SCAF11: variants seen among roughly 807,000 people sequenced by gnomAD.
SCAF11 encodes the protein SR-related CTD associated factor 11, also known as protein SCAF11.
A neutral mutation model predicts 140.5 loss-of-function variants in SCAF11; 47 were observed. The ratio of observed to expected loss-of-function variants is 0.33; its 90% CI spans 0.26 to 0.43. The LOEUF (loss-of-function observed/expected upper bound fraction) is 0.43. Among genes scored for constraint, SCAF11 ranks in the 20% least tolerant of loss-of-function variants. The probability of loss-of-function intolerance (pLI) is 1.00; values close to 1 mark genes in which losing one functional copy is unlikely to be tolerated. For missense variants in SCAF11, 1,645 were observed against 1,705.1 expected (o/e 0.96, Z 0.62); for synonymous variants, 557 against 579.4 (o/e 0.96, Z 0.55).
intron 1 of SCAF11, among the ~76,000 whole-genome samples, chr12:45,986,376 C>T (rs896730138): frequency 1.3e-5 from 2 of 152,130 alleles, no homozygotes; most frequent in East Asian, 3.8e-4. Context: ...AATCTATTAA[C>T]TAAGGCCTGC....
In SCAF11 at chr12:45,936,005, A is replaced by G. The variant is rs1235817789; in HGVS notation, c.464-1500T>C. ...CTTTAAGATGTCAAACAGTACTTCC[A>G]AACTTATAAAGAAAAATTATGGAAA... On this transcript the variant is annotated intron_variant, in intron 6 of 14. Transcript: ENST00000369367. Among the ~76,000 whole-genome samples the G allele has an allele frequency of 6.6e-4, 101 of 152,314 alleles. 2 individuals carry two copies. Among genetic ancestry groups the G allele is most frequent in the Admixed American group, 6.6e-3 (101 of 15,296 alleles).
intron 1 of SCAF11, among the ~76,000 whole-genome samples, chr12:45,989,841 G>C: frequency 6.6e-6 from 1 of 152,208 alleles, no homozygotes. Flanking sequence ...GGTTTCACTA[G>C]CGGGCTTGGA....
At chr12:45,944,924 T>A (rs545139594) in intron 6 of SCAF11, among the ~76,000 whole-genome samples, 1 of 152,238 alleles carries the variant, frequency 6.6e-6, no homozygotes, top group African/African-American at 2.4e-5. Context: ...AGGTATTTAA[T>A]CTCATCTCCC....
At chr12:45,966,231 T>G (rs1375213887) in intron 1 of SCAF11, among the ~76,000 whole-genome samples, 1 of 152,148 alleles carries the variant, frequency 6.6e-6, no homozygotes, top group Non-Finnish European at 1.5e-5. Flanking sequence ...AACAGAAAGC[T>G]TAAGAACATT....
chr12:45,972,881 GATATATATATAGATATATATATATAT>G (rs1404077712), intron 1 of SCAF11, among the ~76,000 whole-genome samples: 1 of 18,944 alleles, frequency 5.3e-5, no homozygotes, highest in Non-Finnish European at 1.1e-4. Flanking sequence ...TATATATATA[GATATATATATAGATATATATATATAT>G]AGATATATAT....
At chr12:45,947,146 T>A (rs1331958897) in intron 5 of SCAF11, among the ~76,000 whole-genome samples, 1 of 152,220 alleles carries the variant, frequency 6.6e-6, no homozygotes, top group African/African-American at 2.4e-5. Flanking sequence ...GAATCATAGA[T>A]TTAATTATGA....
chr12:45,971,118 T>C (rs562771900), intron 1 of SCAF11, among the ~76,000 whole-genome samples: 1 of 152,336 alleles, frequency 6.6e-6, no homozygotes, highest in South Asian at 2.1e-4. Context: ...AGAAAGTTCA[T>C]CAAGTGTTCT....
At chr12:45,985,391 C>A (rs1946439962) in intron 1 of SCAF11, among the ~76,000 whole-genome samples, 1 of 152,274 alleles carries the variant, frequency 6.6e-6, no homozygotes, top group African/African-American at 2.4e-5. Flanking sequence ...TCCTGGGATG[C>A]ACCCCTTACC....
At chr12:45,977,033 C>T (rs2136654138) in intron 1 of SCAF11, among the ~76,000 whole-genome samples, 1 of 152,106 alleles carries the variant, frequency 6.6e-6, no homozygotes, top group East Asian at 1.9e-4. Flanking sequence ...AACCTCGAGG[C>T]CCACATAATT....
intron 11 of SCAF11, among the ~76,000 whole-genome samples, chr12:45,925,515 C>T (rs1944837395): frequency 6.6e-6 from 1 of 152,126 alleles, no homozygotes; most frequent in South Asian, 2.1e-4. Flanking sequence ...TGCCATTGCA[C>T]TCCAGCCTGG....
In SCAF11 at chr12:45,927,381, A is replaced by G. The variant is rs1944906046; in HGVS notation, c.2320T>C (p.Ser774Pro). 6.2e-7 allele frequency: 1 copy of G among 1,614,118 alleles called. No individual in the cohort carries two copies. The highest frequency in any genetic ancestry group is 8.5e-7 in the Non-Finnish European group (1 of 1,180,012). Reference sequence around the variant, plus strand: ...TCTATGGTATCTTTTGGGCTTTCAGATGGTTGAGAAACAGTTTCAACCTTT... The same window carrying G: ...TCTATGGTATCTTTTGGGCTTTCAGGTGGTTGAGAAACAGTTTCAACCTTT... ...DEKVETVSQP[S>P]ESPKDTIDKT... The change falls in exon 11 of 15, where the codon TCT (serine) becomes CCT (proline). Residue 774 changes from serine to proline, a missense_variant. Coordinates refer to ENST00000369367, the MANE Select transcript of SCAF11 (RefSeq NM_004719.3).
upstream of SCAF11, among the ~76,000 whole-genome samples, chr12:45,991,389 A>C (rs1565700935): frequency 6.6e-6 from 1 of 152,086 alleles, no homozygotes; most frequent in Non-Finnish European, 1.5e-5. Flanking sequence ...ACGTATTAAG[A>C]TCTCGTTTCT....
At chr12:45,947,394 A>G (rs1037473699) in intron 5 of SCAF11, among the ~76,000 whole-genome samples, 1 of 152,220 alleles carries the variant, frequency 6.6e-6, no homozygotes, top group Admixed American at 6.5e-5. Flanking sequence ...CAGCAACTAA[A>G]AAAAAGAAAC....
chr12:45,959,237 G>C (rs1404901044), intron 3 of SCAF11, among the ~76,000 whole-genome samples: 2 of 151,414 alleles, frequency 1.3e-5, no homozygotes, highest in Non-Finnish European at 2.9e-5. Context: ...CACTGCACTA[G>C]AGCCTGGGTG....
At chr12:45,991,828 C>T (rs1565701123), upstream of SCAF11, 3 of 1,226,172 alleles carry the variant, frequency 2.4e-6, no homozygotes, top group South Asian at 1.4e-5. Context: ...CCACCCACGC[C>T]CTTGTCCTGC....
chr12:45,951,589 C>CA lies in SCAF11; in HGVS notation c.297+60dup, dbSNP rs1945550142. The CA allele has an allele frequency of 2.7e-6, 3 of 1,127,058 alleles. No homozygotes were observed. The Admixed American group carries it at 6.5e-5, about 24-fold the overall frequency. 69.8% of individuals were successfully genotyped at this position (1,127,058 alleles called of 1,614,324 possible). On this transcript the variant is annotated intron_variant, in intron 4 of 14. Coordinates refer to ENST00000369367, the MANE Select transcript of SCAF11 (RefSeq NM_004719.3). Reference sequence around the variant, plus strand: ...TTTCAAATATACACAAACTGGAAATCAAAGTCAAACAGCTTCAATTAATTT... The same window carrying CA: ...TTTCAAATATACACAAACTGGAAATCAAAAGTCAAACAGCTTCAATTAATTT...
chr12:45,940,094 C>G (rs1331936690), intron 6 of SCAF11, among the ~76,000 whole-genome samples: 1 of 152,072 alleles, frequency 6.6e-6, no homozygotes, highest in Non-Finnish European at 1.5e-5. Flanking sequence ...TCTAATTAGT[C>G]AGTTTGTTAA....
intron 3 of SCAF11, chr12:45,956,026 C>T (rs926646315): frequency 4.3e-6 from 3 of 690,548 alleles, no homozygotes; most frequent in Admixed American, 2.1e-5. Context: ...GTAAAACACA[C>T]CCTACTATTC....
chr12:45,970,173 C>G (rs531290969), intron 1 of SCAF11, among the ~76,000 whole-genome samples: 1 of 152,134 alleles, frequency 6.6e-6, no homozygotes, highest in Non-Finnish European at 1.5e-5. Context: ...GGATTACAGG[C>G]ATGAGCCACC....
Sources: allele counts gnomAD v4.1 joint callset (sites outside exome capture counted in the v4.1 genomes callset), GRCh38; gene constraint gnomAD v4.1.1; transcripts MANE v1.5; gene names NCBI Gene and HGNC (gene_info 2026-07-23, HGNC 2026-07-21).